PRKN: variants seen among roughly 807,000 people sequenced by gnomAD.
The protein encoded by PRKN is parkin RBR E3 ubiquitin protein ligase.
A neutral mutation model predicts 59.5 loss-of-function variants in PRKN; 56 were observed. That is an observed-to-expected ratio of 0.94 (90% confidence interval 0.76 to 1.18). The LOEUF is 1.18. PRKN is among the 50% of genes most tolerant of loss of function. The pLI is 0.00. For missense variants in PRKN, 657 were observed against 596.4 expected (o/e 1.10, Z -1.06); for synonymous variants, 250 against 222.1 (o/e 1.13, Z -1.12).
chr6:162,196,215 A>G (rs776150840), intron 4 of PRKN, among the ~76,000 whole-genome samples: 3 of 152,148 alleles, frequency 2.0e-5, no homozygotes, highest in Non-Finnish European at 2.9e-5. Context: ...TGGTTTTCAA[A>G]TCATGCCAAG....
chr6:162,323,606 A>G (rs915728412), intron 2 of PRKN, among the ~76,000 whole-genome samples: 16 of 152,246 alleles, frequency 1.1e-4, no homozygotes, highest in African/African-American at 3.6e-4. Context: ...TTAAACAAAC[A>G]CTTCATCAAA....
chr6:162,006,374 T>A (rs1782253973), intron 5 of PRKN, among the ~76,000 whole-genome samples: 1 of 152,166 alleles, frequency 6.6e-6, no homozygotes, highest in Admixed American at 6.6e-5. Flanking sequence ...TCAACCAGAT[T>A]CCACATTCAA....
At chr6:162,448,875 C>G (rs62430720) in intron 1 of PRKN, among the ~76,000 whole-genome samples, 293 of 142,574 alleles carry the variant, frequency 2.1e-3, no homozygotes, top group African/African-American at 6.9e-3. Flanking sequence ...CTTTCTTTTC[C>G]TCTCTCTCTC....
At chr6:162,608,496 T>A (rs1782010585) in intron 1 of PRKN, among the ~76,000 whole-genome samples, 1 of 152,168 alleles carries the variant, frequency 6.6e-6, no homozygotes, top group South Asian at 2.1e-4. Flanking sequence ...TCAACTCTTC[T>A]GTGAGCAAGA....
chr6:162,605,933 CTA>C (rs1212387694), intron 1 of PRKN, among the ~76,000 whole-genome samples: 11 of 152,082 alleles, frequency 7.2e-5, no homozygotes, highest in African/African-American at 2.4e-4. Flanking sequence ...TAAAATTTGA[CTA>C]TATTCAGTGA....
At chr6:162,206,828 C>T (rs1784964324) in intron 3 of PRKN, among the ~76,000 whole-genome samples, 1 of 152,178 alleles carries the variant, frequency 6.6e-6, no homozygotes, top group African/African-American at 2.4e-5. Context: ...TGCTGGAATA[C>T]ACGTCTCCAC....
In PRKN at chr6:161,551,028, C is replaced by T. The variant is rs1341148988; in HGVS notation, c.934-2025G>A. Among the ~76,000 whole-genome samples, 2 of 151,996 alleles carry T rather than the reference C, an allele frequency of 1.3e-5. No homozygotes were observed. The highest frequency in any genetic ancestry group is 6.6e-5 in the Admixed American group (1 of 15,266). ...ATGGCATACACATACAGCACCTTTA[C>T]CAGAAAAGAGGTCTAAGAGTTCGGA... On this transcript the variant is annotated intron_variant, in intron 8 of 11. Transcript: ENST00000366898. This position sits in a 1 kb window ranked among gnomAD's most constrained non-coding sequence, Gnocchi z 5.2.
intron 1 of PRKN, among the ~76,000 whole-genome samples, chr6:162,699,843 A>AC (rs1310804991): frequency 6.6e-6 from 1 of 152,144 alleles, no homozygotes; most frequent in African/African-American, 2.4e-5. Flanking sequence ...CTACCTAGAA[A>AC]CCAGACCCAC....
chr6:162,022,988 G>A (rs778744070), intron 5 of PRKN, among the ~76,000 whole-genome samples: 18 of 152,068 alleles, frequency 1.2e-4, no homozygotes, highest in Non-Finnish European at 2.4e-4. Context: ...TTATTTCTGG[G>A]TTCTCTACTC....
At chr6:161,944,130 G>A (rs1170845976) in intron 6 of PRKN, among the ~76,000 whole-genome samples, 1 of 144,232 alleles carries the variant, frequency 6.9e-6, no homozygotes, top group Non-Finnish European at 1.5e-5. Flanking sequence ...GGACCAGCCT[G>A]AGGGATCAGC....
chr6:161,964,634 G>A (rs995239033), intron 6 of PRKN, among the ~76,000 whole-genome samples: 2 of 152,018 alleles, frequency 1.3e-5, no homozygotes, highest in African/African-American at 4.8e-5. Flanking sequence ...TCTACTGGGA[G>A]AAATATATAG....
At chr6:162,145,334 G>T (rs969931879) in intron 4 of PRKN, among the ~76,000 whole-genome samples, 1 of 152,070 alleles carries the variant, frequency 6.6e-6, no homozygotes, top group Non-Finnish European at 1.5e-5. Flanking sequence ...TAAAACACAG[G>T]GATTTCCCCA....
At chr6:161,957,656 C>T (rs111261641) in intron 6 of PRKN, among the ~76,000 whole-genome samples, 60 of 152,262 alleles carry the variant, frequency 3.9e-4, no homozygotes, top group African/African-American at 1.2e-3. Context: ...ATCTCCTGAC[C>T]TTGTGATCCA....
intron 5 of PRKN, among the ~76,000 whole-genome samples, chr6:162,019,887 C>T (rs566444863): frequency 3.9e-5 from 6 of 151,916 alleles, no homozygotes; most frequent in South Asian, 4.2e-4. Context: ...GGTGTGGTGG[C>T]GGGCGCCTGT....
intron 2 of PRKN, among the ~76,000 whole-genome samples, chr6:162,396,226 T>C (rs1787469479): frequency 6.6e-6 from 1 of 152,180 alleles, no homozygotes; most frequent in Admixed American, 6.5e-5. Context: ...TTAGAATGTT[T>C]TGAAAGAATA....
At chr6:161,687,746 G>A (rs1029909026) in intron 7 of PRKN, among the ~76,000 whole-genome samples, 20 of 152,076 alleles carry the variant, frequency 1.3e-4, no homozygotes, top group African/African-American at 3.9e-4. Flanking sequence ...TTGAGCCACC[G>A]CGCCGGGCCA....
At chr6:162,587,164 T>C (rs1781094500) in intron 1 of PRKN, among the ~76,000 whole-genome samples, 1 of 151,920 alleles carries the variant, frequency 6.6e-6, no homozygotes, top group Admixed American at 6.6e-5. Context: ...TGAGATGGAG[T>C]CTCACTCTGT....
intron 9 of PRKN, among the ~76,000 whole-genome samples, chr6:161,476,237 T>C (rs567180910): frequency 6.6e-6 from 1 of 152,084 alleles, no homozygotes; most frequent in Non-Finnish European, 1.5e-5. Context: ...TTCATCAAAC[T>C]GCCAAATGGA....
chr6:162,427,512 G>A (rs956210337), intron 2 of PRKN, among the ~76,000 whole-genome samples: 4 of 152,012 alleles, frequency 2.6e-5, no homozygotes, highest in South Asian at 2.1e-4. Flanking sequence ...CCACTAACAC[G>A]CATTAATCTC....
Sources: gnomAD v4.1 joint callset for allele counts (sites outside exome capture counted in the v4.1 genomes callset) on GRCh38, gnomAD v4.1.1 for gene constraint, Gnocchi (gnomAD v3.1) non-coding constraint, MANE v1.5 for transcripts, NCBI Gene and HGNC (gene_info 2026-07-23, HGNC 2026-07-21) for gene names.